LRRTM4: variants seen among roughly 807,000 people sequenced by gnomAD.
LRRTM4 encodes leucine rich repeat transmembrane neuronal 4.
Under a neutral mutation model 47.6 loss-of-function variants are expected in LRRTM4, and 25 were observed. The ratio of observed to expected loss-of-function variants is 0.53; its 90% CI spans 0.38 to 0.73. The LOEUF is 0.73. LRRTM4 is among the 30% of genes least tolerant of loss of function. The probability of loss-of-function intolerance (pLI) is 0.00; values close to 1 mark genes in which losing one functional copy is unlikely to be tolerated. For synonymous variants in LRRTM4, 311 were observed against 269.5 expected (o/e 1.15, Z -1.51); for missense variants, 638 against 713.4 (o/e 0.89, Z 1.20).
chr2:77,309,391 T>C (rs1391679158), intron 3 of LRRTM4, among the ~76,000 whole-genome samples: 1 of 152,186 alleles, frequency 6.6e-6, no homozygotes, highest in Admixed American at 6.5e-5. Flanking sequence ...ATTTGCAGAA[T>C]ATCTCTAAAA....
chr2:77,089,214 G>A (rs944938807), intron 3 of LRRTM4, among the ~76,000 whole-genome samples: 3 of 143,690 alleles, frequency 2.1e-5, no homozygotes, highest in South Asian at 2.2e-4. Context: ...TCCAGGGACA[G>A]GGCAAGTAAC....
chr2:77,418,961 C>T lies in LRRTM4; in HGVS notation c.1551+99357G>A, dbSNP rs1674756476. ...TTTCAAGGTGGTCCTAGGATCCCTG[C>T]CTCCTGATGTTCACTTATTCATCAT... is the stretch of plus-strand genomic sequence containing the variant. On this transcript the variant is annotated intron_variant, in intron 3 of 3. Coordinates refer to ENST00000409884, the MANE Select transcript of LRRTM4 (RefSeq NM_001134745.3). 2.0e-5 allele frequency among the ~76,000 whole-genome samples: 3 copies of T among 152,118 alleles called. No homozygotes were observed. In the South Asian group the frequency reaches 6.2e-4, roughly 32 times the overall value.
Position 76,907,331 on chromosome 2 carries a change from G to A in LRRTM4, c.1552-158415C>T, listed in dbSNP as rs560829613. Among the ~76,000 whole-genome samples, 271 of 151,314 alleles carry A rather than the reference G, an allele frequency of 1.8e-3. 2 individuals carry two copies. The highest frequency in any genetic ancestry group is 2.4e-3 in the Non-Finnish European group (164 of 67,814). ...CACAACATACCAGAATCTCTGGGAC[G>A]CATTCAAAGTAGTGTGTAAAGGGAA... On this transcript the variant is annotated intron_variant, in intron 3 of 3. Coordinates refer to ENST00000409884, the MANE Select transcript of LRRTM4 (RefSeq NM_001134745.3).
chr2:77,078,376 A>ACACC (rs1257706781), intron 3 of LRRTM4, among the ~76,000 whole-genome samples: 156 of 110,942 alleles, frequency 1.4e-3, no homozygotes, highest in African/African-American at 7.2e-3. Context: ...TATTACACAC[A>ACACC]CACCCACACA....
chr2:76,898,790 T>TTA (rs1673514214), intron 3 of LRRTM4, among the ~76,000 whole-genome samples: 1 of 151,030 alleles, frequency 6.6e-6, no homozygotes, highest in African/African-American at 2.4e-5. Context: ...TCACTATACA[T>TTA]TATATATAAT....
intron 3 of LRRTM4, among the ~76,000 whole-genome samples, chr2:77,095,641 G>T (rs1670791532): frequency 6.8e-6 from 1 of 147,406 alleles, no homozygotes. Context: ...AAGTAACTGA[G>T]ACTGCAGGCT....
intron 3 of LRRTM4, among the ~76,000 whole-genome samples, chr2:77,285,012 A>G (rs1403399032): frequency 1.3e-5 from 2 of 152,062 alleles, no homozygotes; most frequent in African/African-American, 4.8e-5. Context: ...GATTAGAGCA[A>G]TAATACTTAA....
intron 3 of LRRTM4, among the ~76,000 whole-genome samples, chr2:77,226,170 A>G (rs2103960553): frequency 6.6e-6 from 1 of 151,988 alleles, no homozygotes; most frequent in East Asian, 1.9e-4. Flanking sequence ...AATTGGAAAA[A>G]CAATTACAAT....
At chr2:77,141,359 A>C (rs1298828421) in intron 3 of LRRTM4, among the ~76,000 whole-genome samples, 1 of 152,002 alleles carries the variant, frequency 6.6e-6, no homozygotes, top group Non-Finnish European at 1.5e-5. Context: ...TTCTCAGCAA[A>C]CTATCACAAG....
chr2:77,168,400 T>C (rs192086634), intron 3 of LRRTM4, among the ~76,000 whole-genome samples: 1,899 of 152,222 alleles, frequency 0.012, 40 homozygotes, highest in African/African-American at 0.044. Flanking sequence ...TTTACATTTC[T>C]AGTTTTTTGT....
chr2:76,968,531 A>C (rs150302555), intron 3 of LRRTM4, among the ~76,000 whole-genome samples: 345 of 151,218 alleles, frequency 2.3e-3, no homozygotes, highest in African/African-American at 8.0e-3. Context: ...TGAAAAAAAT[A>C]TCTCTTCAAC....
intron 3 of LRRTM4, among the ~76,000 whole-genome samples, chr2:77,300,934 A>T (rs1427569652): frequency 1.3e-5 from 2 of 151,438 alleles, no homozygotes; most frequent in Non-Finnish European, 3.0e-5. Context: ...GCTAAATGGA[A>T]TTTTTTTTTA....
In LRRTM4 at chr2:77,134,944, A is replaced by C. The variant is rs1201356503; in HGVS notation, c.1551+383374T>G. On this transcript the variant is annotated intron_variant, in intron 3 of 3. Transcript: ENST00000409884. ...TCAGCTAATAGTAAATGGTAATTTT[A>C]GTTATTTAGAAAGAGGATAAAATCC... is the stretch of plus-strand genomic sequence containing the variant. 2.0e-5 allele frequency among the ~76,000 whole-genome samples: 3 copies of C among 152,162 alleles called. No individual in the cohort carries two copies. In the East Asian group the frequency reaches 5.8e-4, roughly 29 times the overall value.
chr2:77,202,269 T>C (rs938181710), intron 3 of LRRTM4, among the ~76,000 whole-genome samples: 3 of 152,132 alleles, frequency 2.0e-5, no homozygotes, highest in Non-Finnish European at 4.4e-5. Flanking sequence ...CTGCTGATGA[T>C]TATATTATCT....
chr2:77,239,110 C>A (rs2103986174), intron 3 of LRRTM4, among the ~76,000 whole-genome samples: 1 of 151,848 alleles, frequency 6.6e-6, no homozygotes, highest in Admixed American at 6.6e-5. Context: ...CAAATATTTT[C>A]ATTCTTACTT....
At chr2:76,819,498 C>G (rs891311900) in intron 3 of LRRTM4, among the ~76,000 whole-genome samples, 11 of 151,834 alleles carry the variant, frequency 7.2e-5, no homozygotes, top group African/African-American at 2.7e-4. Context: ...TATAGACTAA[C>G]AAACCATATC....
chr2:77,435,563 T>A (rs1675557306), intron 3 of LRRTM4, among the ~76,000 whole-genome samples: 1 of 152,118 alleles, frequency 6.6e-6, no homozygotes, highest in Non-Finnish European at 1.5e-5. Flanking sequence ...TCATGCAAAG[T>A]CATACCGAAT....
chr2:77,073,302 T>A (rs940348105), intron 3 of LRRTM4, among the ~76,000 whole-genome samples: 2 of 152,162 alleles, frequency 1.3e-5, no homozygotes, highest in African/African-American at 4.8e-5. Context: ...ATATACTTAT[T>A]GGAAAAAATT....
intron 3 of LRRTM4, among the ~76,000 whole-genome samples, chr2:76,828,888 C>T (rs948472534): frequency 6.6e-6 from 1 of 151,894 alleles, no homozygotes; most frequent in African/African-American, 2.4e-5. Context: ...TTTCTTTAAT[C>T]TCTGATCCCT....
Sources: gnomAD v4.1 joint callset for allele counts (sites outside exome capture counted in the v4.1 genomes callset) on GRCh38, gnomAD v4.1.1 for gene constraint, MANE v1.5 for transcripts, NCBI Gene and HGNC (gene_info 2026-07-23, HGNC 2026-07-21) for gene names.